Variants in ADGRV1 observed in about 807,000 individuals in gnomAD.
The protein encoded by ADGRV1 is G-protein coupled receptor 98.
In ADGRV1, 359 loss-of-function variants were observed where a neutral mutation model predicts 596.2. The ratio of observed to expected loss-of-function variants is 0.60; its 90% CI spans 0.55 to 0.66. ADGRV1 has a LOEUF of 0.66. ADGRV1 is among the 30% of genes least tolerant of loss of function. The pLI is 0.00. For missense variants in ADGRV1, 7,274 were observed against 7,575.6 expected, an observed-to-expected ratio of 0.96 and a Z score of 1.48; for synonymous variants, 2,681 against 2,679.2, an observed-to-expected ratio of 1.00 and a Z score of -0.02.
At chr5:90,596,426 G>A (rs1186748055) in intron 1 of ADGRV1, among the ~76,000 whole-genome samples, 1 of 151,898 alleles carries the variant, frequency 6.6e-6, no homozygotes, top group African/African-American at 2.4e-5. Flanking sequence ...CACTTTGGGA[G>A]GCCAAGGCAG....
rs749499081 is a variant in ADGRV1, at chr5:90,756,970, T to A, written c.11758-9T>A. On this transcript the variant is annotated splice_polypyrimidine_tract_variant and intron_variant, in intron 56 of 89. Coordinates refer to ENST00000405460, the MANE Select transcript of ADGRV1 (RefSeq NM_032119.4). ...TATCTTGCCTTTCAATTATATTCTT[T>A]ACTTAAAGGGCGCTGGGGAAGTTAT... is the stretch of plus-strand genomic sequence containing the variant. 8 of 1,569,392 alleles carry A rather than the reference T, an allele frequency of 5.1e-6. No homozygotes were observed. In the Admixed American group the frequency reaches 1.6e-4, roughly 31 times the overall value.
At chr5:90,710,663 T>C (rs1749220711) in intron 39 of ADGRV1, among the ~76,000 whole-genome samples, 1 of 152,140 alleles carries the variant, frequency 6.6e-6, no homozygotes, top group African/African-American at 2.4e-5. Flanking sequence ...AATAGTGATA[T>C]TATAGAATAG....
At chr5:90,635,398 A>C in intron 10 of ADGRV1, 108 bp downstream of exon 10, 1 of 958,032 alleles carries the variant, frequency 1.0e-6, no homozygotes, top group Non-Finnish European at 1.5e-6. Flanking sequence ...AAAAAGCTTC[A>C]GCATGTACAA....
At chr5:90,727,976 C>T (rs946553280) in intron 48 of ADGRV1, among the ~76,000 whole-genome samples, 1 of 152,172 alleles carries the variant, frequency 6.6e-6, no homozygotes, top group Non-Finnish European at 1.5e-5. Flanking sequence ...TATACTTATA[C>T]ATTGACTTAA....
At chr5:90,809,853 A>G (rs1178052227) in intron 73 of ADGRV1, among the ~76,000 whole-genome samples, 2 of 152,204 alleles carry the variant, frequency 1.3e-5, no homozygotes, top group Non-Finnish European at 1.5e-5. Flanking sequence ...AACTATTTCT[A>G]TTTGGTAGAT....
rs184701265 is a variant in ADGRV1, at chr5:90,659,585, A to G, written c.4752+1307A>G. ...GTTTCCAGGTTGCAGCTAAATGCTA[A>G]GAAACTGCCACTTGTCAAATTTTGG... is the stretch of plus-strand genomic sequence containing the variant. On this transcript the variant is annotated intron_variant, in intron 21 of 89. Coordinates refer to ENST00000405460, the MANE Select transcript of ADGRV1 (RefSeq NM_032119.4). Among the ~76,000 whole-genome samples, 149 of 152,372 alleles carry G rather than the reference A, an allele frequency of 9.8e-4. 2 individuals carry two copies. Among genetic ancestry groups the G allele is most frequent in the Admixed American group, 7.8e-3 (119 of 15,304 alleles).
chr5:90,636,264 TC>T (rs1766198314), intron 10 of ADGRV1, among the ~76,000 whole-genome samples: 2 of 151,728 alleles, frequency 1.3e-5, no homozygotes, highest in South Asian at 4.2e-4. Flanking sequence ...CTTCTCCAAG[TC>T]CCCCACACTT....
intron 83 of ADGRV1, among the ~76,000 whole-genome samples, chr5:90,934,808 C>T (rs770285540): frequency 3.3e-5 from 5 of 152,164 alleles, no homozygotes; most frequent in Admixed American, 6.5e-5. Flanking sequence ...TATTCTGAGG[C>T]CTCTTCTCTT....
At chr5:90,655,780 T>C (rs1266028104) in intron 20 of ADGRV1, 2 of 152,150 alleles carry the variant, frequency 1.3e-5, no homozygotes, top group Non-Finnish European at 2.9e-5. Flanking sequence ...TAATGCTGTG[T>C]TCAATATAGA....
intron 85 of ADGRV1, among the ~76,000 whole-genome samples, chr5:91,028,415 T>C (rs1391063562): frequency 6.6e-6 from 1 of 152,172 alleles, no homozygotes; most frequent in Non-Finnish European, 1.5e-5. Flanking sequence ...CTCCTGGCTA[T>C]ATTTACAAAA....
chr5:90,944,756 A>G (rs930007925), intron 83 of ADGRV1, among the ~76,000 whole-genome samples: 22 of 152,300 alleles, frequency 1.4e-4, no homozygotes, highest in Non-Finnish European at 2.5e-4. Context: ...TTAATTGACA[A>G]ACTGTTGGAA....
At chr5:91,044,902 C>T (rs1379954523) in intron 85 of ADGRV1, among the ~76,000 whole-genome samples, 6 of 152,082 alleles carry the variant, frequency 3.9e-5, no homozygotes, top group Non-Finnish European at 8.8e-5. Context: ...GAAATCAGTA[C>T]ATATCAGTAA....
rs990183207 is a variant in ADGRV1 at position 90,704,381 on chromosome 5, T to G, written c.8287-8T>G. On this transcript the variant is annotated splice_polypyrimidine_tract_variant and splice_region_variant and intron_variant, in intron 35 of 89. Transcript: ENST00000405460. ...ACAGCGGGATTGATTTCTTTCTGTATGACATAGGGGTCGTTGAATACAACA... is the reference window on the plus strand; with the variant it reads ...ACAGCGGGATTGATTTCTTTCTGTAGGACATAGGGGTCGTTGAATACAACA... 1 of 1,529,994 alleles carries G rather than the reference T, an allele frequency of 6.5e-7. No homozygotes were observed. The highest frequency in any genetic ancestry group is 8.9e-7 in the Non-Finnish European group (1 of 1,125,036). 94.8% of individuals were successfully genotyped at this position (1,529,994 alleles called of 1,614,324 possible). A position where few individuals can be genotyped will look rare whatever the true frequency, so the allele number is the denominator to read the frequency against.
chr5:91,023,585 T>C (rs1398728181), intron 85 of ADGRV1, among the ~76,000 whole-genome samples: 1 of 152,140 alleles, frequency 6.6e-6, no homozygotes, highest in Non-Finnish European at 1.5e-5. Context: ...TTCTCTCTAG[T>C]ATCAGGTTTG....
chr5:90,959,348 G>T (rs1777768797), intron 83 of ADGRV1, among the ~76,000 whole-genome samples: 1 of 151,794 alleles, frequency 6.6e-6, no homozygotes, highest in Non-Finnish European at 1.5e-5. Context: ...AGCTAGAGAA[G>T]ACCTAAATAA....
intron 70 of ADGRV1, among the ~76,000 whole-genome samples, chr5:90,801,470 A>G (rs1761365696): frequency 6.6e-6 from 1 of 151,936 alleles, no homozygotes; most frequent in East Asian, 1.9e-4. Flanking sequence ...TCATGGGGGG[A>G]GGGGTACACT....
Position 90,781,567 on chromosome 5 carries a change from C to T in ADGRV1, c.13220C>T (p.Thr4407Ile). Reference protein sequence around the residue: ...EGIIEFDPKYTAFEVEEDVGL... With the variant: ...EGIIEFDPKYIAFEVEEDVGL... ...ATCATTGAATTTGACCCAAAGTATACTGCCTTCGAAGGTAGGTTCAGTCAG... is the reference window on the plus strand; with the variant it reads ...ATCATTGAATTTGACCCAAAGTATATTGCCTTCGAAGGTAGGTTCAGTCAG... The change falls in exon 65 of 90, where the codon ACT becomes ATT. Residue 4407 changes from threonine to isoleucine, a missense_variant. Physicochemically the swap from Thr to Ile is moderately conservative, Grantham distance 89. Coordinates refer to ENST00000405460, the MANE Select transcript of ADGRV1 (RefSeq NM_032119.4). The T allele has an allele frequency of 6.2e-7, 1 of 1,605,478 alleles. No homozygotes were observed. Among genetic ancestry groups the T allele is most frequent in the Non-Finnish European group, 8.5e-7 (1 of 1,174,306 alleles).
chr5:91,041,242 G>A (rs1785321210), intron 85 of ADGRV1, among the ~76,000 whole-genome samples: 1 of 152,142 alleles, frequency 6.6e-6, no homozygotes, highest in Non-Finnish European at 1.5e-5. Flanking sequence ...CAACCCAAAT[G>A]TCCATCAGTG....
intron 83 of ADGRV1, among the ~76,000 whole-genome samples, chr5:90,937,737 G>A (rs1405955977): frequency 2.0e-5 from 3 of 152,282 alleles, no homozygotes; most frequent in East Asian, 3.9e-4. Context: ...GATTACAGGC[G>A]TGAGCCACAG....
Sources: gnomAD v4.1 joint callset for allele counts (sites outside exome capture counted in the v4.1 genomes callset) on GRCh38, gnomAD v4.1.1 for gene constraint, MANE v1.5 for transcripts, NCBI Gene and HGNC (gene_info 2026-07-23, HGNC 2026-07-21) for gene names.